Variants in LHFPL3 observed in about 807,000 individuals in gnomAD.
The protein encoded by LHFPL3 is LHFPL tetraspan subfamily member 3.
Under a neutral mutation model 19.3 loss-of-function variants are expected in LHFPL3, and 5 were observed. That is an observed-to-expected ratio of 0.26 (90% CI 0.14 to 0.54). LHFPL3 has a LOEUF of 0.54. Ranked by LOEUF, LHFPL3 falls within the 20% of genes least tolerant of loss-of-function variation. The probability of loss-of-function intolerance (pLI) is 0.94; values close to 1 mark genes in which losing one functional copy is unlikely to be tolerated. For synonymous variants in LHFPL3, 133 were observed against 126.2 expected (o/e 1.05, Z -0.36); for missense variants, 249 against 307.4 (o/e 0.81, Z 1.42).
chr7:104,675,869 T>G (rs988537100), intron 1 of LHFPL3, among the ~76,000 whole-genome samples: 1 of 152,182 alleles, frequency 6.6e-6, no homozygotes, highest in African/African-American at 2.4e-5. Context: ...ATATTACATT[T>G]GAGTTGTCCC....
intron 1 of LHFPL3, among the ~76,000 whole-genome samples, chr7:104,732,007 T>C (rs1321532295): frequency 1.3e-5 from 2 of 152,244 alleles, no homozygotes; most frequent in African/African-American, 2.4e-5. Context: ...TTTGGTTCTG[T>C]TTATATGATG....
rs552777620 is a variant in LHFPL3, at chr7:104,398,840, G to GC, written c.445+69619dup. Among the ~76,000 whole-genome samples, 535 of 113,610 alleles carry GC rather than the reference G, an allele frequency of 4.7e-3. 5 individuals carry two copies. The highest frequency in any genetic ancestry group is 0.017 in the African/African-American group (507 of 29,416). The allele number at this position is 113,610 out of a possible 152,430, so 74.5% of individuals were successfully genotyped here. A position where few individuals can be genotyped will look rare whatever the true frequency, so the allele number is the denominator to read the frequency against. On this transcript the variant is annotated intron_variant, in intron 1 of 2. Coordinates refer to ENST00000424859, the MANE Select transcript of LHFPL3 (RefSeq NM_199000.3). ...CCTCCTTCTGGAAATGTTTTCTGATGCCCGCCCCCCGGCCCTGAATACTCC... is the reference window on the plus strand; with the variant it reads ...CCTCCTTCTGGAAATGTTTTCTGATGCCCCGCCCCCCGGCCCTGAATACTCC...
At chr7:104,507,601 G>T (rs1264796915) in intron 1 of LHFPL3, among the ~76,000 whole-genome samples, 1 of 98,106 alleles carries the variant, frequency 1.0e-5, no homozygotes, top group Non-Finnish European at 2.2e-5. Flanking sequence ...AGCCAAAATT[G>T]ACAAATGGGA....
At chr7:104,641,946 G>A (rs1193616697) in intron 1 of LHFPL3, among the ~76,000 whole-genome samples, 3 of 151,090 alleles carry the variant, frequency 2.0e-5, no homozygotes, top group Non-Finnish European at 4.4e-5. Flanking sequence ...TGTTTTTGAA[G>A]TAATACATAA....
intron 1 of LHFPL3, among the ~76,000 whole-genome samples, chr7:104,500,448 G>A (rs1584362444): frequency 6.6e-6 from 1 of 152,170 alleles, no homozygotes; most frequent in African/African-American, 2.4e-5. Context: ...AAGATAATTA[G>A]TGAATTCAAT....
intron 1 of LHFPL3, among the ~76,000 whole-genome samples, chr7:104,591,097 T>G (rs200551229): frequency 3.3e-5 from 5 of 152,144 alleles, no homozygotes; most frequent in Admixed American, 6.6e-5. Flanking sequence ...TTAATTGGAG[T>G]ATTTAACCCA....
chr7:104,456,156 T>C (rs1584331498), intron 1 of LHFPL3, among the ~76,000 whole-genome samples: 2 of 152,314 alleles, frequency 1.3e-5, no homozygotes, highest in African/African-American at 2.4e-5. Flanking sequence ...AACGTAACTA[T>C]GTATATACCT....
Position 104,427,042 on chromosome 7 carries a change from A to G in LHFPL3, c.445+97818A>G, listed in dbSNP as rs189357582. 8.9e-4 allele frequency among the ~76,000 whole-genome samples: 136 copies of G among 152,364 alleles called. 1 individual carries two copies. The highest frequency in any genetic ancestry group is 1.6e-3 in the Non-Finnish European group (111 of 68,038). Reference sequence around the variant, plus strand: ...AGTTATAGAGTTCTGTACCTGTTGCATTCTAGGTACTGCGCTAAGTTCTAG... The same window carrying G: ...AGTTATAGAGTTCTGTACCTGTTGCGTTCTAGGTACTGCGCTAAGTTCTAG... On this transcript the variant is annotated intron_variant, in intron 1 of 2. Coordinates refer to ENST00000424859, the MANE Select transcript of LHFPL3 (RefSeq NM_199000.3).
At chr7:104,647,077 C>T (rs1307700298) in intron 1 of LHFPL3, among the ~76,000 whole-genome samples, 2 of 152,204 alleles carry the variant, frequency 1.3e-5, no homozygotes, top group East Asian at 3.8e-4. Context: ...GTCTGGAAGT[C>T]TCAAGGGCAG....
intron 1 of LHFPL3, among the ~76,000 whole-genome samples, chr7:104,447,839 T>G (rs894736955): frequency 1.3e-5 from 2 of 152,150 alleles, no homozygotes; most frequent in African/African-American, 4.8e-5. Context: ...TATGGATCAG[T>G]CCATTTAAAT....
chr7:104,474,687 C>CAAAA (rs928431129), intron 1 of LHFPL3, among the ~76,000 whole-genome samples: 335 of 39,834 alleles, frequency 8.4e-3, no homozygotes, highest in Non-Finnish European at 0.011. Flanking sequence ...ACAACAACAA[C>CAAAA]AAAAAAAAAA....
At chr7:104,682,415 T>C (rs752238705) in intron 1 of LHFPL3, among the ~76,000 whole-genome samples, 3 of 152,202 alleles carry the variant, frequency 2.0e-5, no homozygotes, top group East Asian at 1.9e-4. Context: ...AGGTGACTCA[T>C]AGACACGTTA....
chr7:104,806,972 A>C (rs937027924), intron 2 of LHFPL3, among the ~76,000 whole-genome samples: 9 of 144,534 alleles, frequency 6.2e-5, no homozygotes, highest in African/African-American at 2.1e-4. Flanking sequence ...TATTCCTATG[A>C]CCCTGTTGGG....
chr7:104,748,864 T>C (rs1794100688), intron 2 of LHFPL3, among the ~76,000 whole-genome samples: 1 of 152,208 alleles, frequency 6.6e-6, no homozygotes, highest in Non-Finnish European at 1.5e-5. Context: ...CACCCACAGG[T>C]GTGGAGGGGC....
rs191241113 is a variant in LHFPL3, at chr7:104,628,871, G to A, written c.446-107804G>A. 7.5e-4 allele frequency among the ~76,000 whole-genome samples: 114 copies of A among 152,246 alleles called. 1 individual carries two copies. Among genetic ancestry groups the A allele is most frequent in the Non-Finnish European group, 5.6e-4 (38 of 68,002 alleles). ...GGCTATAATTTTTGGAGGCCACATT[G>A]TAAATGGTAATGTGTTCTGATATTA... On this transcript the variant is annotated intron_variant, in intron 1 of 2. Transcript: ENST00000424859.
At chr7:104,645,608 T>C (rs1342879856) in intron 1 of LHFPL3, among the ~76,000 whole-genome samples, 1 of 150,200 alleles carries the variant, frequency 6.7e-6, no homozygotes, top group Non-Finnish European at 1.5e-5. Flanking sequence ...TAAATCTTCA[T>C]GGAAAGTGAG....
intron 1 of LHFPL3, among the ~76,000 whole-genome samples, chr7:104,560,598 T>G (rs1341938128): frequency 1.3e-5 from 2 of 151,816 alleles, no homozygotes; most frequent in Non-Finnish European, 2.9e-5. Context: ...TTGCTAGCGG[T>G]CTATCAATTT....
intron 1 of LHFPL3, among the ~76,000 whole-genome samples, chr7:104,601,297 C>T (rs1038976020): frequency 4.6e-5 from 7 of 152,110 alleles, no homozygotes; most frequent in Admixed American, 3.9e-4. Flanking sequence ...GTGACTAAAC[C>T]ATATCTCTTA....
chr7:104,436,996 T>C (rs1792120314), intron 1 of LHFPL3, among the ~76,000 whole-genome samples: 1 of 152,186 alleles, frequency 6.6e-6, no homozygotes, highest in African/African-American at 2.4e-5. Flanking sequence ...CTTTCTGCCT[T>C]CATTGCTAAA....
Sources: allele counts gnomAD v4.1 joint callset (sites outside exome capture counted in the v4.1 genomes callset), GRCh38; gene constraint gnomAD v4.1.1; transcripts MANE v1.5; gene names NCBI Gene and HGNC (gene_info 2026-07-23, HGNC 2026-07-21).